DPP10: variants seen among roughly 807,000 people sequenced by gnomAD.
DPP10 encodes the protein inactive dipeptidyl peptidase 10.
DPP10 carries 33 observed loss-of-function variants against 120.9 expected under a neutral mutation model. That is an observed-to-expected ratio of 0.27 (90% CI 0.21 to 0.37). The LOEUF is 0.37. DPP10 is among the 10% of genes least tolerant of loss of function. DPP10 has a pLI of 1.00. For missense variants in DPP10, 816 were observed against 942.8 expected (o/e 0.87, Z 1.76); for synonymous variants, 337 against 326.1 (o/e 1.03, Z -0.36).
At chr2:115,175,448 A>C (rs995038738) in intron 1 of DPP10, among the ~76,000 whole-genome samples, 15 of 152,152 alleles carry the variant, frequency 9.9e-5, no homozygotes, top group Non-Finnish European at 1.9e-4. Flanking sequence ...GGGATTGGGA[A>C]CCTCAAGAGA....
intron 1 of DPP10, among the ~76,000 whole-genome samples, chr2:115,106,754 C>T (rs1234231811): frequency 6.6e-6 from 1 of 152,074 alleles, no homozygotes. Context: ...AGCCACTGCA[C>T]CCAGCCTGAT....
At chr2:114,877,955 A>G (rs1691292214) in intron 1 of DPP10, among the ~76,000 whole-genome samples, 1 of 152,078 alleles carries the variant, frequency 6.6e-6, no homozygotes, top group Non-Finnish European at 1.5e-5. Context: ...TTAATACTGG[A>G]ATAGTCAAAG....
At chr2:115,406,550 A>G (rs946905118) in intron 3 of DPP10, among the ~76,000 whole-genome samples, 2 of 152,228 alleles carry the variant, frequency 1.3e-5, no homozygotes, top group Middle Eastern at 3.2e-3. Context: ...AGATGAGACT[A>G]ACTTTAGATT....
At chr2:115,581,755 A>G (rs1035970221) in intron 5 of DPP10, among the ~76,000 whole-genome samples, 1 of 152,140 alleles carries the variant, frequency 6.6e-6, no homozygotes, top group African/African-American at 2.4e-5. Context: ...CCTGAATCTT[A>G]TAGTCCCCAA....
chr2:115,313,009 G>A (rs1423051880), intron 2 of DPP10, among the ~76,000 whole-genome samples: 5 of 152,068 alleles, frequency 3.3e-5, no homozygotes, highest in Non-Finnish European at 7.4e-5. Context: ...GGATCACGAG[G>A]TCTGGAGTTC....
At chr2:115,389,541 G>A (rs1245360013) in intron 3 of DPP10, among the ~76,000 whole-genome samples, 6 of 152,034 alleles carry the variant, frequency 3.9e-5, no homozygotes, top group East Asian at 1.9e-4. Flanking sequence ...ATAAGTAACC[G>A]ATGTAATGAA....
At chr2:114,922,270 A>G (rs914259940) in intron 1 of DPP10, among the ~76,000 whole-genome samples, 1 of 152,158 alleles carries the variant, frequency 6.6e-6, no homozygotes, top group African/African-American at 2.4e-5. Flanking sequence ...AGTTTATGCA[A>G]CCACTAATCT....
chr2:115,096,020 C>A (rs1709714486), intron 1 of DPP10, among the ~76,000 whole-genome samples: 1 of 151,966 alleles, frequency 6.6e-6, no homozygotes, highest in Admixed American at 6.6e-5. Context: ...CTTTACAATG[C>A]CAAGAAGTCA....
At chr2:115,752,702 G>C (rs1678900498) in intron 10 of DPP10, among the ~76,000 whole-genome samples, 1 of 152,016 alleles carries the variant, frequency 6.6e-6, no homozygotes, top group Admixed American at 6.6e-5. Context: ...ATTAAGCCAG[G>C]AATAATCTTT....
intron 5 of DPP10, among the ~76,000 whole-genome samples, chr2:115,612,518 A>G (rs1250169098): frequency 6.6e-6 from 1 of 152,192 alleles, no homozygotes; most frequent in Non-Finnish European, 1.5e-5. Context: ...TTCCACATGT[A>G]TAACAAAGTA....
At chr2:115,440,789 T>C (rs1483828674) in intron 3 of DPP10, 1 of 152,232 alleles carries the variant, frequency 6.6e-6, no homozygotes, top group Admixed American at 6.5e-5. Flanking sequence ...TCTTTCATTA[T>C]AATTAGATAC....
intron 3 of DPP10, among the ~76,000 whole-genome samples, chr2:115,417,939 G>A (rs1370019516): frequency 6.6e-6 from 1 of 151,976 alleles, no homozygotes. Flanking sequence ...TTGTAGCAAT[G>A]GGCATTGTTG....
intron 1 of DPP10, among the ~76,000 whole-genome samples, chr2:114,557,266 A>G (rs1688400417): frequency 6.6e-6 from 1 of 152,118 alleles, no homozygotes; most frequent in South Asian, 2.1e-4. Flanking sequence ...GTTTGTCTTT[A>G]ACCCACAGGT....
At chr2:114,497,784 C>A (rs1211053764) in intron 1 of DPP10, among the ~76,000 whole-genome samples, 1 of 152,140 alleles carries the variant, frequency 6.6e-6, no homozygotes, top group Non-Finnish European at 1.5e-5. Flanking sequence ...AACTCTCATC[C>A]CCTTCAATGG....
At chr2:115,574,646 T>G (rs2081542669) in intron 5 of DPP10, among the ~76,000 whole-genome samples, 1 of 152,224 alleles carries the variant, frequency 6.6e-6, no homozygotes, top group Non-Finnish European at 1.5e-5. Context: ...GTAAATATCT[T>G]AATTGGTCTT....
intron 1 of DPP10, among the ~76,000 whole-genome samples, chr2:115,137,637 T>G (rs114775985): frequency 0.016 from 2,478 of 152,098 alleles, 34 homozygotes; most frequent in African/African-American, 0.03. Context: ...TTAATTATGG[T>G]TTGGAGAGAG....
intron 1 of DPP10, among the ~76,000 whole-genome samples, chr2:114,726,951 T>C (rs560487165): frequency 6.6e-6 from 1 of 152,230 alleles, no homozygotes; most frequent in African/African-American, 2.4e-5. Flanking sequence ...TCATGCATGC[T>C]TTCAGAAGGA....
At chr2:114,705,509 T>C (rs1700635119) in intron 1 of DPP10, among the ~76,000 whole-genome samples, 1 of 152,162 alleles carries the variant, frequency 6.6e-6, no homozygotes, top group Admixed American at 6.6e-5. Context: ...AACTCACATC[T>C]GTCTTAATTT....
chr2:114,929,919 T>C (rs1695944356), intron 1 of DPP10, among the ~76,000 whole-genome samples: 1 of 152,208 alleles, frequency 6.6e-6, no homozygotes, highest in Admixed American at 6.5e-5. Context: ...GGGGAACTAA[T>C]AAATGTCCAT....
Sources: gnomAD v4.1 joint callset for allele counts (sites outside exome capture counted in the v4.1 genomes callset) on GRCh38, gnomAD v4.1.1 for gene constraint, MANE v1.5 for transcripts, NCBI Gene and HGNC (gene_info 2026-07-23, HGNC 2026-07-21) for gene names.